Variants in AMD1 observed in about 807,000 individuals in gnomAD.
The protein encoded by AMD1 is S-adenosylmethionine decarboxylase proenzyme.
In AMD1, 11 loss-of-function variants were observed where a neutral mutation model predicts 40.2. That is an observed-to-expected ratio of 0.27 (90% CI 0.17 to 0.45). AMD1 has a LOEUF of 0.45. Among genes scored for constraint, AMD1 ranks in the 20% least tolerant of loss-of-function variants. AMD1 has a pLI of 1.00. For synonymous variants in AMD1, 121 were observed against 130.8 expected (o/e 0.93, Z 0.51); for missense variants, 257 against 410.2 (o/e 0.63, Z 3.23).
At chr6:110,854,032 A>C in the AMD1 span, among the ~76,000 whole-genome samples, 1 of 152,180 alleles carries the variant, frequency 6.6e-6, no homozygotes, top group African/African-American at 2.4e-5. Context: ...GTGAAGGAAA[A>C]TCCAGTGACT....
chr6:110,855,192 C>T, the AMD1 span, among the ~76,000 whole-genome samples: 1 of 150,528 alleles, frequency 6.6e-6, no homozygotes, highest in African/African-American at 2.4e-5. Flanking sequence ...CCATGCCTGG[C>T]CTATGCCAGC....
the AMD1 span, among the ~76,000 whole-genome samples, chr6:110,829,292 G>A: frequency 1.3e-5 from 2 of 151,970 alleles, no homozygotes; most frequent in Admixed American, 6.6e-5. Flanking sequence ...AACACTTTGG[G>A]AGGCTGAGGC....
At chr6:110,852,617 T>C in the AMD1 span, among the ~76,000 whole-genome samples, 3 of 152,190 alleles carry the variant, frequency 2.0e-5, no homozygotes, top group African/African-American at 7.2e-5. Context: ...CCCATAGTCA[T>C]ATCTAATAAA....
chr6:110,858,415 T>C, the AMD1 span: 268,231 of 862,732 alleles, frequency 0.31, 46,088 homozygotes, highest in East Asian at 0.7. Context: ...ACGGGATTAG[T>C]TTATGGACAC....
upstream of AMD1, among the ~76,000 whole-genome samples, chr6:110,874,086 G>C (rs1784972968): frequency 6.6e-6 from 1 of 152,214 alleles, no homozygotes. Context: ...CACGGTGGGA[G>C]GTGGGTAAAG....
the AMD1 span, among the ~76,000 whole-genome samples, chr6:110,844,790 AAAAG>A: frequency 8.8e-4 from 133 of 151,688 alleles, 2 homozygotes; most frequent in Middle Eastern, 3.4e-3. Context: ...TCAGAAAAAA[AAAAG>A]AAAGAAAGAA....
At chr6:110,828,433 CA>C in the AMD1 span, among the ~76,000 whole-genome samples, 187 of 128,000 alleles carry the variant, frequency 1.5e-3, no homozygotes, top group Non-Finnish European at 1.8e-3. Flanking sequence ...AACTCTGTCT[CA>C]AAAAAAAAAG....
chr6:110,835,923 G>A, the AMD1 span, among the ~76,000 whole-genome samples: 1 of 147,232 alleles, frequency 6.8e-6, no homozygotes, highest in African/African-American at 2.5e-5. Context: ...GAGGCAGGAG[G>A]ATCACTTGAG....
At chr6:110,869,059 C>CA in the AMD1 span, among the ~76,000 whole-genome samples, 562 of 125,368 alleles carry the variant, frequency 4.5e-3, 5 homozygotes, top group Middle Eastern at 8.5e-3. Flanking sequence ...AACTCGTTCT[C>CA]AAAAAAAAAA....
chr6:110,816,001 T>A, the AMD1 span: 1 of 152,236 alleles, frequency 6.6e-6, no homozygotes, highest in East Asian at 1.9e-4. Flanking sequence ...TCTTTCCCGC[T>A]CTTGATTGGT....
Position 110,893,850 on chromosome 6 carries a change from C to T in AMD1, c.*234C>T, listed in dbSNP as rs1000376782. On this transcript the variant is annotated 3_prime_UTR_variant, in exon 9 of 9. Coordinates refer to ENST00000368885, the MANE Select transcript of AMD1 (RefSeq NM_001634.6). ...GTTTAGGTATTCTCTGCCACTCTTG[C>T]TGTGAAATTGAAGTGCATGTAGAAA... 38 of 455,518 alleles carry T rather than the reference C, an allele frequency of 8.3e-5. 1 individual carries two copies. In the South Asian group the frequency reaches 8.8e-4, roughly 11 times the overall value. 28.2% of individuals were successfully genotyped at this position (455,518 alleles called of 1,614,324 possible).
At chr6:110,873,921 C>T (rs1784968061), upstream of AMD1, among the ~76,000 whole-genome samples, 1 of 152,190 alleles carries the variant, frequency 6.6e-6, no homozygotes, top group Non-Finnish European at 1.5e-5. Flanking sequence ...CAAAGAAAAA[C>T]ATGATCAAAT....
the AMD1 span, among the ~76,000 whole-genome samples, chr6:110,866,112 A>C: frequency 1.3e-5 from 2 of 152,160 alleles, no homozygotes; most frequent in African/African-American, 4.8e-5. Flanking sequence ...CCTTATCTAC[A>C]TAATTTTAAT....
chr6:110,861,141 G>C, the AMD1 span, among the ~76,000 whole-genome samples: 15 of 151,854 alleles, frequency 9.9e-5, no homozygotes, highest in African/African-American at 3.6e-4. Flanking sequence ...GGCGGATCAC[G>C]AGGTCAGGAG....
chr6:110,869,981 C>T (rs974016597), upstream of AMD1, among the ~76,000 whole-genome samples: 4 of 150,960 alleles, frequency 2.6e-5, no homozygotes, highest in East Asian at 2.0e-4. Context: ...AACTCCTGGG[C>T]TTAAAGCAAT....
chr6:110,877,778 G>A (rs1224749142), intron 1 of AMD1, among the ~76,000 whole-genome samples: 1 of 152,190 alleles, frequency 6.6e-6, no homozygotes, highest in Admixed American at 6.5e-5. Context: ...GCAGGATCAT[G>A]GCTCACTGCA....
At chr6:110,883,164 C>T (rs1279593) in intron 1 of AMD1, among the ~76,000 whole-genome samples, 1 of 152,054 alleles carries the variant, frequency 6.6e-6, no homozygotes, top group Non-Finnish European at 1.5e-5. Flanking sequence ...AAGAAGCATG[C>T]TACACTGTCT....
At chr6:110,825,320 T>C in the AMD1 span, among the ~76,000 whole-genome samples, 1 of 152,216 alleles carries the variant, frequency 6.6e-6, no homozygotes, top group African/African-American at 2.4e-5. Flanking sequence ...TAGTAACTAA[T>C]TGAAACCATG....
At chr6:110,863,332 G>C in the AMD1 span, among the ~76,000 whole-genome samples, 2 of 149,026 alleles carry the variant, frequency 1.3e-5, no homozygotes, top group East Asian at 4.0e-4. Flanking sequence ...CAAAGTAGAA[G>C]CTTCCTAACT....
Sources: allele counts gnomAD v4.1 joint callset (sites outside exome capture counted in the v4.1 genomes callset), GRCh38; gene constraint gnomAD v4.1.1; transcripts MANE v1.5; gene names NCBI Gene and HGNC (gene_info 2026-07-23, HGNC 2026-07-21).